Variants in ABCB4 observed in about 807,000 individuals in gnomAD.
The protein encoded by ABCB4 is phosphatidylcholine translocator ABCB4.
ABCB4 carries 76 observed loss-of-function variants against 145.7 expected under a neutral mutation model. The ratio of observed to expected loss-of-function variants is 0.52; its 90% CI spans 0.43 to 0.63. The LOEUF is 0.63. Among genes scored for constraint, ABCB4 ranks in the 30% least tolerant of loss-of-function variants. The pLI is 0.00. For synonymous variants in ABCB4, 517 were observed against 566.8 expected (o/e 0.91, Z 1.25); for missense variants, 1,234 against 1,553.1 (o/e 0.79, Z 3.45).
chr7:87,388,954 T>C, the ABCB4 span, among the ~76,000 whole-genome samples: 111 of 152,196 alleles, frequency 7.3e-4, no homozygotes, highest in African/African-American at 2.6e-3. Flanking sequence ...CATCAAAAAG[T>C]GGGCAAAAGA....
intron 4 of ABCB4, among the ~76,000 whole-genome samples, chr7:87,459,464 T>C (rs962222364): frequency 7.2e-5 from 11 of 152,230 alleles, no homozygotes; most frequent in African/African-American, 2.7e-4. Flanking sequence ...ACATAGCATA[T>C]GTCAGAAGTT....
At chr7:87,462,587 G>A (rs1812534536) in intron 4 of ABCB4, among the ~76,000 whole-genome samples, 171 bp downstream of exon 4, 1 of 152,030 alleles carries the variant, frequency 6.6e-6, no homozygotes, top group Admixed American at 6.5e-5. Flanking sequence ...AAATTTAAAC[G>A]AGTATTTGAA....
chr7:87,452,859 A>AT (rs1811840089), intron 6 of ABCB4, 85 bp downstream of exon 6: 1 of 1,464,386 alleles, frequency 6.8e-7, no homozygotes. Context: ...ATCTAGTAAC[A>AT]TTTTTCATTT....
the ABCB4 span, chr7:87,382,378 A>C: frequency 6.2e-7 from 1 of 1,600,666 alleles, no homozygotes; most frequent in Middle Eastern, 1.7e-4. Flanking sequence ...TCCTTAGGTG[A>C]TTTTTCACCG....
chr7:87,416,851 T>C (rs548528014), intron 21 of ABCB4, among the ~76,000 whole-genome samples: 2 of 152,350 alleles, frequency 1.3e-5, no homozygotes, highest in African/African-American at 4.8e-5. Flanking sequence ...GCCATTATAG[T>C]GAGAACCACA....
At chr7:87,392,859 G>T in the ABCB4 span, 4 of 1,608,344 alleles carry the variant, frequency 2.5e-6, no homozygotes, top group Non-Finnish European at 3.4e-6. Context: ...TTCATCAATT[G>T]GCTTCCTCTT....
At chr7:87,439,245 T>C (rs1189141259) in intron 14 of ABCB4, among the ~76,000 whole-genome samples, 2 of 152,194 alleles carry the variant, frequency 1.3e-5, no homozygotes, top group East Asian at 3.9e-4. Context: ...GAAAAGCACC[T>C]GGTCACCTAC....
At chr7:87,452,912 A>G (rs368172849) in intron 6 of ABCB4, 32 bp downstream of exon 6, 1 of 1,598,122 alleles carries the variant, frequency 6.3e-7, no homozygotes. Context: ...ATTAATTTCT[A>G]TATGAAAGTG....
intron 4 of ABCB4, 100 bp from the exon 5 acceptor site, chr7:87,454,692 T>C: frequency 1.2e-6 from 1 of 859,580 alleles, no homozygotes; most frequent in Non-Finnish European, 1.9e-6. Context: ...GTATGAAAGC[T>C]AGAAGATGCT....
At chr7:87,436,284 A>G (rs1385336669) in intron 14 of ABCB4, among the ~76,000 whole-genome samples, 1 of 152,154 alleles carries the variant, frequency 6.6e-6, no homozygotes, top group Non-Finnish European at 1.5e-5. Flanking sequence ...AAAATCTCTG[A>G]AAGATTTTAG....
At position 87,455,697 on chromosome 7, in the gene ABCB4, A is replaced by T. The variant is rs139935170; in HGVS notation, c.287-1105T>A. Among the ~76,000 whole-genome samples the T allele has an allele frequency of 4.3e-3, 659 of 152,344 alleles. 10 individuals carry two copies. Among genetic ancestry groups the T allele is most frequent in the African/African-American group, 0.014 (595 of 41,576 alleles). ...AAATAATAGGATAAAATATCACCAC[A>T]GCATTGTTGAGAAAACACATCAGGG... On this transcript the variant is annotated intron_variant, in intron 4 of 27. Transcript: ENST00000649586.
chr7:87,474,932 TA>T (rs1329643528), intron 2 of ABCB4, among the ~76,000 whole-genome samples: 2 of 151,872 alleles, frequency 1.3e-5, no homozygotes, highest in Non-Finnish European at 2.9e-5. Context: ...GGAAGAGACA[TA>T]ACAGGGGATG....
At chr7:87,463,572 G>A (rs571212146) in intron 3 of ABCB4, among the ~76,000 whole-genome samples, 23 of 152,236 alleles carry the variant, frequency 1.5e-4, no homozygotes, top group Non-Finnish European at 1.9e-4. Flanking sequence ...GAGAAGAATC[G>A]GCGAGTGTAA....
intron 3 of ABCB4, among the ~76,000 whole-genome samples, chr7:87,468,455 A>G (rs1300822879): frequency 6.6e-6 from 1 of 152,220 alleles, no homozygotes; most frequent in African/African-American, 2.4e-5. Context: ...TACCAGAGGT[A>G]CAAGGAGGAA....
At chr7:87,465,900 C>T (rs1000635860) in intron 3 of ABCB4, among the ~76,000 whole-genome samples, 1 of 152,126 alleles carries the variant, frequency 6.6e-6, no homozygotes, top group Non-Finnish European at 1.5e-5. Context: ...CCCATCTGTA[C>T]GTCACCATCA....
At chr7:87,406,580 C>T (rs951599259) in intron 25 of ABCB4, 86 bp from the exon 26 acceptor site, 24 of 1,453,872 alleles carry the variant, frequency 1.7e-5, no homozygotes, top group African/African-American at 9.9e-5. Context: ...TTTGGAGGAT[C>T]GTTGCATGAG....
chr7:87,440,255 T>A lies in ABCB4; in HGVS notation c.1504A>T (p.Ile502Leu), dbSNP rs1444960903. The stretch of plus-strand genomic sequence containing the variant: ...TTGGCCTCTTTGACAGCTTTCTTTA[T>A]CTCATCCATGGTTACATTTCCACGG... ...YGRGNVTMDE[I>L]KKAVKEANAY... Residue 502 changes from isoleucine (I) to leucine (L), a missense_variant, in exon 13 of 28, where the codon ATA (isoleucine) becomes TTA (leucine). Ile to Leu is a conservative substitution (Grantham distance 5). Coordinates refer to ENST00000649586, the MANE Select transcript of ABCB4 (RefSeq NM_000443.4). 6.2e-7 allele frequency: 1 copy of A among 1,614,040 alleles called. No homozygotes were observed. Among genetic ancestry groups the A allele is most frequent in the Non-Finnish European group, 8.5e-7 (1 of 1,180,028 alleles).
At chr7:87,420,185 C>T (rs1047220342) in intron 18 of ABCB4, 110 bp from the exon 19 acceptor site, 2 of 988,396 alleles carry the variant, frequency 2.0e-6, no homozygotes, top group Non-Finnish European at 3.2e-6. Flanking sequence ...TTTACAGTTG[C>T]CACGGATCCT....
chr7:87,475,990 C>G (rs1445347607), upstream of ABCB4: 1 of 152,534 alleles, frequency 6.6e-6, no homozygotes, highest in Non-Finnish European at 1.5e-5. Context: ...GAAAGCCTCG[C>G]CTGATGGGCC....
Sources: gnomAD v4.1 joint callset for allele counts (sites outside exome capture counted in the v4.1 genomes callset) on GRCh38, gnomAD v4.1.1 for gene constraint, MANE v1.5 for transcripts, NCBI Gene and HGNC (gene_info 2026-07-23, HGNC 2026-07-21) for gene names.